CRISPLD2: variants seen among roughly 807,000 people sequenced by gnomAD.
The protein encoded by CRISPLD2 is cysteine-rich secretory protein LCCL domain-containing 2.
In CRISPLD2, 47 loss-of-function variants were observed where a neutral mutation model predicts 71.1. The ratio of observed to expected loss-of-function variants is 0.66; its 90% CI spans 0.52 to 0.84. The LOEUF is 0.84. Among genes scored for constraint, CRISPLD2 ranks in the 40% least tolerant of loss-of-function variants. CRISPLD2 has a pLI of 0.00. For missense variants in CRISPLD2, 830 were observed against 651.1 expected (o/e 1.27, Z -2.99); for synonymous variants, 317 against 250.1 (o/e 1.27, Z -2.52).
At chr16:84,880,272 G>A (rs951413183) in intron 12 of CRISPLD2, among the ~76,000 whole-genome samples, 1 of 151,696 alleles carries the variant, frequency 6.6e-6, no homozygotes, top group Non-Finnish European at 1.5e-5. Context: ...TGTCTTTTGT[G>A]GATGTGTGTG....
intron 2 of CRISPLD2, among the ~76,000 whole-genome samples, chr16:84,841,008 C>A (rs1025022386): frequency 6.6e-6 from 1 of 152,208 alleles, no homozygotes; most frequent in African/African-American, 2.4e-5. Context: ...ATGAGGTCCC[C>A]GTCCACACGG....
rs1916997739 is a variant in CRISPLD2, at chr16:84,849,022, C to G, written c.360-363C>G. On this transcript the variant is annotated intron_variant, in intron 3 of 14. Coordinates refer to ENST00000262424, the MANE Select transcript of CRISPLD2 (RefSeq NM_031476.4). ...AAAAAAAGAAAGGACTCATTAAGAG[C>G]CAGGTGAAGAGATTCCTGCACGTGC... Among the ~76,000 whole-genome samples the G allele has an allele frequency of 2.0e-5, 3 of 151,066 alleles. No homozygotes were observed. The South Asian group carries it at 6.3e-4, about 32-fold the overall frequency.
chr16:84,904,031 T>C (rs2071779221), intron 14 of CRISPLD2, among the ~76,000 whole-genome samples: 1 of 152,144 alleles, frequency 6.6e-6, no homozygotes, highest in African/African-American at 2.4e-5. Flanking sequence ...TCAAACCTGG[T>C]GGCCAAGACA....
rs186559258 is a variant in CRISPLD2, at chr16:84,889,049, G to A, written c.1306-181G>A. Reference sequence around the variant, plus strand: ...TTGTTGAACAAATGAATGAATGCATGATGTCCAGTCTCTCTGGAGAGACCC... The same window carrying A: ...TTGTTGAACAAATGAATGAATGCATAATGTCCAGTCTCTCTGGAGAGACCC... On this transcript the variant is annotated intron_variant, in intron 13 of 14. Coordinates refer to ENST00000262424, the MANE Select transcript of CRISPLD2 (RefSeq NM_031476.4). Among the ~76,000 whole-genome samples, 3 of 152,320 alleles carry A rather than the reference G, an allele frequency of 2.0e-5. No individual in the cohort carries two copies. The East Asian group carries it at 5.8e-4, about 29-fold the overall frequency.
chr16:84,900,367 CTTTG>C (rs1282996879), intron 14 of CRISPLD2, among the ~76,000 whole-genome samples: 1 of 152,132 alleles, frequency 6.6e-6, no homozygotes, highest in Non-Finnish European at 1.5e-5. Flanking sequence ...TGGGGGCTCT[CTTTG>C]TTTGGAGCGG....
intron 14 of CRISPLD2, among the ~76,000 whole-genome samples, chr16:84,905,889 T>G (rs1356663459): frequency 1.3e-5 from 2 of 151,890 alleles, no homozygotes; most frequent in East Asian, 3.9e-4. Flanking sequence ...TTTGTATTTT[T>G]CGTAGAGATG....
At chr16:84,897,967 C>T (rs905644737) in intron 14 of CRISPLD2, among the ~76,000 whole-genome samples, 5 of 152,192 alleles carry the variant, frequency 3.3e-5, no homozygotes, top group African/African-American at 9.7e-5. Flanking sequence ...TTTTGTTAAT[C>T]GGATTGTGGC....
chr16:84,834,195 C>T (rs1261889763), intron 1 of CRISPLD2, among the ~76,000 whole-genome samples: 6 of 152,138 alleles, frequency 3.9e-5, no homozygotes, highest in South Asian at 2.1e-4. Flanking sequence ...GAGGAGATCA[C>T]GGAGGTCAGG....
In CRISPLD2 at chr16:84,906,583, T is replaced by C; in HGVS notation, c.1440-5T>C. The C allele has an allele frequency of 6.2e-7, 1 of 1,612,648 alleles. No individual in the cohort carries two copies. ...GTAACGGGCCCTCTTTCTTCTTTTT[T>C]TCAGCCTGGGGACTCCTCGGGATGG... On this transcript the variant is annotated splice_polypyrimidine_tract_variant and splice_region_variant and intron_variant, in intron 14 of 14. Transcript: ENST00000262424.
intron 2 of CRISPLD2, among the ~76,000 whole-genome samples, chr16:84,843,156 C>T (rs997794275): frequency 7.2e-5 from 11 of 152,098 alleles, no homozygotes; most frequent in Admixed American, 4.6e-4. Flanking sequence ...TCTAAAAGGC[C>T]GGCCTGCTGG....
rs1481849672 is a variant in CRISPLD2, at chr16:84,873,980, C to T, written c.1156+17C>T. ...AAGTGAAAGGTAAGCTAGCCAGTCTCTTTTGCGACCATAATACCTGGGTTA... is the reference window on the plus strand; with the variant it reads ...AAGTGAAAGGTAAGCTAGCCAGTCTTTTTTGCGACCATAATACCTGGGTTA... On this transcript the variant is annotated intron_variant, in intron 11 of 14. Coordinates refer to ENST00000262424, the MANE Select transcript of CRISPLD2 (RefSeq NM_031476.4). 6.3e-7 allele frequency: 1 copy of T among 1,592,318 alleles called. No individual in the cohort carries two copies.
chr16:84,860,873 C>T (rs1264592302), intron 6 of CRISPLD2, among the ~76,000 whole-genome samples: 4 of 152,188 alleles, frequency 2.6e-5, no homozygotes, highest in Admixed American at 6.5e-5. Flanking sequence ...ATAAGACTCA[C>T]TCATGATAAT....
intron 14 of CRISPLD2, among the ~76,000 whole-genome samples, chr16:84,900,296 T>A (rs752469378): frequency 1.3e-5 from 2 of 152,086 alleles, no homozygotes; most frequent in Non-Finnish European, 2.9e-5. Flanking sequence ...TCTCGGAGGA[T>A]TGCAGATCTT....
At chr16:84,853,639 G>A (rs556806923) in intron 5 of CRISPLD2, among the ~76,000 whole-genome samples, 3 of 152,186 alleles carry the variant, frequency 2.0e-5, no homozygotes, top group African/African-American at 4.8e-5. Flanking sequence ...GTTTCCTGCC[G>A]TTTGTCTTTG....
chr16:84,872,561 T>C, intron 9 of CRISPLD2, 53 bp downstream of exon 9: 5 of 1,457,780 alleles, frequency 3.4e-6, no homozygotes, highest in Non-Finnish European at 4.7e-6. Flanking sequence ...CTGTTGCATA[T>C]GTTTAAAGCA....
At chr16:84,888,354 C>G (rs766137004) in intron 13 of CRISPLD2, among the ~76,000 whole-genome samples, 3 of 152,214 alleles carry the variant, frequency 2.0e-5, no homozygotes, top group Admixed American at 2.0e-4. Flanking sequence ...AGCAACACAG[C>G]GAGACCTTGT....
intron 13 of CRISPLD2, among the ~76,000 whole-genome samples, chr16:84,882,480 G>C (rs756139610): frequency 2.0e-5 from 3 of 151,692 alleles, no homozygotes; most frequent in African/African-American, 4.8e-5. Flanking sequence ...GCACGATCTC[G>C]GCTCACTGCA....
At chr16:84,896,456 T>C (rs1412655593) in intron 14 of CRISPLD2, among the ~76,000 whole-genome samples, 3 of 152,212 alleles carry the variant, frequency 2.0e-5, no homozygotes, top group African/African-American at 7.2e-5. Flanking sequence ...GTTCAACTTA[T>C]GACTTTTCAA....
chr16:84,875,482 C>G (rs1198614088), intron 11 of CRISPLD2, among the ~76,000 whole-genome samples: 1 of 143,660 alleles, frequency 7.0e-6, no homozygotes, highest in Non-Finnish European at 1.5e-5. Context: ...TTATCTGTAG[C>G]CCAAGACAAT....
Sources: allele counts gnomAD v4.1 joint callset (sites outside exome capture counted in the v4.1 genomes callset), GRCh38; gene constraint gnomAD v4.1.1; transcripts MANE v1.5; gene names NCBI Gene and HGNC (gene_info 2026-07-23, HGNC 2026-07-21).